The following PTPRT variants were observed in gnomAD, a reference collection of about 807,000 sequenced individuals.
PTPRT encodes receptor-type tyrosine-protein phosphatase T.
Under a neutral mutation model 176.8 loss-of-function variants are expected in PTPRT, and 56 were observed. That is an observed-to-expected ratio of 0.32 (90% CI 0.26 to 0.40). PTPRT has a LOEUF of 0.40. Among genes scored for constraint, PTPRT ranks in the 10% least tolerant of loss-of-function variants. The pLI, the probability that PTPRT is intolerant of heterozygous loss-of-function variation, is 1.00. For missense variants in PTPRT, 1,540 were observed against 1,908.2 expected (o/e 0.81, Z 3.60); for synonymous variants, 783 against 739.0 (o/e 1.06, Z -0.96).
At chr20:42,595,318 T>C (rs2073652087) in intron 7 of PTPRT, among the ~76,000 whole-genome samples, 1 of 152,068 alleles carries the variant, frequency 6.6e-6, no homozygotes. Flanking sequence ...AGAAAATTCT[T>C]TTCTTGTGGA....
At chr20:42,661,139 G>T (rs1483561177) in intron 7 of PTPRT, among the ~76,000 whole-genome samples, 1 of 152,108 alleles carries the variant, frequency 6.6e-6, no homozygotes, top group South Asian at 2.1e-4. Context: ...GTGAGCCACC[G>T]CACCCAGCCG....
At chr20:42,692,348 T>C (rs1035737625) in intron 6 of PTPRT, among the ~76,000 whole-genome samples, 32 of 152,226 alleles carry the variant, frequency 2.1e-4, no homozygotes, top group Non-Finnish European at 5.9e-5. Flanking sequence ...TAACAGGTTA[T>C]AACCACATTA....
intron 2 of PTPRT, among the ~76,000 whole-genome samples, chr20:42,845,518 A>T (rs2145740779): frequency 6.6e-6 from 1 of 152,306 alleles, no homozygotes; most frequent in East Asian, 1.9e-4. Flanking sequence ...TGAGTTTTCT[A>T]CGAATGCTCC....
chr20:42,708,128 TGG>T (rs1224874440), intron 6 of PTPRT, among the ~76,000 whole-genome samples: 5 of 152,148 alleles, frequency 3.3e-5, no homozygotes, highest in Non-Finnish European at 7.4e-5. Flanking sequence ...TGAAATAAAA[TGG>T]TACTCTCTTC....
At chr20:43,117,320 G>A (rs967063838) in intron 1 of PTPRT, among the ~76,000 whole-genome samples, 8 of 152,160 alleles carry the variant, frequency 5.3e-5, no homozygotes, top group African/African-American at 7.2e-5. Flanking sequence ...TGGATCCAAC[G>A]CAGAAAGCTG....
At chr20:42,274,272 C>T (rs1466102866) in intron 13 of PTPRT, among the ~76,000 whole-genome samples, 1 of 152,188 alleles carries the variant, frequency 6.6e-6, no homozygotes, top group African/African-American at 2.4e-5. Flanking sequence ...CAAGTTGCCA[C>T]TTCCATGCTT....
intron 13 of PTPRT, among the ~76,000 whole-genome samples, chr20:42,254,070 G>A (rs1040900702): frequency 6.6e-6 from 1 of 152,004 alleles, no homozygotes; most frequent in African/African-American, 2.4e-5. Context: ...CCATACATAG[G>A]GTCTAGTTGC....
chr20:42,226,923 C>T (rs1372810630), intron 15 of PTPRT, among the ~76,000 whole-genome samples: 2 of 151,976 alleles, frequency 1.3e-5, no homozygotes, highest in African/African-American at 4.8e-5. Flanking sequence ...GAATGATCGC[C>T]CAAGGAAAAA....
At chr20:42,728,036 A>C (rs1225126172) in intron 6 of PTPRT, among the ~76,000 whole-genome samples, 1 of 152,152 alleles carries the variant, frequency 6.6e-6, no homozygotes, top group African/African-American at 2.4e-5. Flanking sequence ...ATCTCTCTAG[A>C]GCTGGCTCCA....
intron 6 of PTPRT, among the ~76,000 whole-genome samples, chr20:42,710,394 T>C (rs1569102676): frequency 6.6e-6 from 1 of 152,204 alleles, no homozygotes; most frequent in Non-Finnish European, 1.5e-5. Flanking sequence ...CTGCCCAGCC[T>C]CAGGACACTG....
At chr20:42,760,175 G>A (rs1402737868) in intron 5 of PTPRT, among the ~76,000 whole-genome samples, 1 of 152,148 alleles carries the variant, frequency 6.6e-6, no homozygotes, top group African/African-American at 2.4e-5. Context: ...AAAGGAAGCT[G>A]TGAGGCTTTA....
At chr20:42,372,596 G>A (rs970698083) in intron 9 of PTPRT, among the ~76,000 whole-genome samples, 1 of 152,142 alleles carries the variant, frequency 6.6e-6, no homozygotes, top group Non-Finnish European at 1.5e-5. Context: ...GGGTTTTCCC[G>A]ATTCTGATAA....
At chr20:42,842,209 G>T (rs1451102622) in intron 2 of PTPRT, among the ~76,000 whole-genome samples, 1 of 152,140 alleles carries the variant, frequency 6.6e-6, no homozygotes, top group African/African-American at 2.4e-5. Flanking sequence ...TCCTCCTCAG[G>T]TTGGAAGTGG....
intron 9 of PTPRT, among the ~76,000 whole-genome samples, chr20:42,369,259 C>T (rs954607268): frequency 3.3e-5 from 5 of 152,158 alleles, no homozygotes; most frequent in Non-Finnish European, 7.3e-5. Flanking sequence ...GCCACCACGT[C>T]TGGCTTGGCT....
rs1208285403 is a variant in PTPRT at position 42,073,140 on chromosome 20, C to T, written c.*7739G>A. 2 of 201,932 alleles carry T rather than the reference C, an allele frequency of 9.9e-6. No individual in the cohort carries two copies. Among genetic ancestry groups the T allele is most frequent in the African/African-American group, 2.3e-5 (1 of 43,534 alleles). 12.5% of individuals were successfully genotyped at this position (201,932 alleles called of 1,614,324 possible). A position where few individuals can be genotyped will look rare whatever the true frequency, so the allele number is the denominator to read the frequency against. ...AGAGTGTGGAGACTTTGGTCTCATG[C>T]AATATTATATGCCCAGTGGATGTGA... On this transcript the variant is annotated 3_prime_UTR_variant, in exon 31 of 31. Coordinates refer to ENST00000373187, the MANE Select transcript of PTPRT (RefSeq NM_007050.6).
chr20:42,584,725 C>T (rs921747587), intron 7 of PTPRT, among the ~76,000 whole-genome samples: 4 of 152,160 alleles, frequency 2.6e-5, no homozygotes, highest in East Asian at 1.9e-4. Context: ...CAAACAGAAA[C>T]GTTGTCTGCT....
chr20:42,686,112 A>C (rs1200589306), intron 6 of PTPRT: 1 of 152,244 alleles, frequency 6.6e-6, no homozygotes, highest in Non-Finnish European at 1.5e-5. Flanking sequence ...GCAACCACAC[A>C]GTAGTTTACC....
At chr20:42,641,827 G>A (rs73110497) in intron 7 of PTPRT, among the ~76,000 whole-genome samples, 5 of 152,030 alleles carry the variant, frequency 3.3e-5, no homozygotes, top group Admixed American at 1.3e-4. Context: ...ACCTGGTGTC[G>A]ACAGAGGGAG....
intron 1 of PTPRT, among the ~76,000 whole-genome samples, chr20:43,064,628 T>C (rs1987610521): frequency 6.6e-6 from 1 of 152,236 alleles, no homozygotes; most frequent in Admixed American, 6.5e-5. Flanking sequence ...TGCCTGTGGG[T>C]GTCCTCATCC....
Sources: gnomAD v4.1 joint callset for allele counts (sites outside exome capture counted in the v4.1 genomes callset) on GRCh38, gnomAD v4.1.1 for gene constraint, MANE v1.5 for transcripts, NCBI Gene and HGNC (gene_info 2026-07-23, HGNC 2026-07-21) for gene names.